Variants in MARCHF11 observed in about 807,000 individuals in gnomAD.
MARCHF11 encodes the protein E3 ubiquitin-protein ligase MARCHF11.
MARCHF11 carries 29 observed loss-of-function variants against 37.3 expected under a neutral mutation model. The observed-to-expected ratio is 0.78, with a 90% CI of 0.58 to 1.06. The LOEUF (loss-of-function observed/expected upper bound fraction) is 1.06. MARCHF11 is among the 50% of genes least tolerant of loss of function. MARCHF11 has a pLI of 0.00. For synonymous variants in MARCHF11, 233 were observed against 228.0 expected (o/e 1.02, Z -0.20); for missense variants, 482 against 533.4 (o/e 0.90, Z 0.95).
At chr5:16,146,074 T>G (rs1413697601) in intron 2 of MARCHF11, among the ~76,000 whole-genome samples, 1 of 152,190 alleles carries the variant, frequency 6.6e-6, no homozygotes, top group East Asian at 1.9e-4. Flanking sequence ...CTCATAATAA[T>G]TTTCAAGAAC....
chr5:16,169,218 T>C (rs2126608995), intron 2 of MARCHF11, among the ~76,000 whole-genome samples: 1 of 150,618 alleles, frequency 6.6e-6, no homozygotes, highest in South Asian at 2.1e-4. Flanking sequence ...AACAAAGGAG[T>C]GCCAGGAGGG....
In MARCHF11 at chr5:16,168,396, T is replaced by C. The variant is rs1489286298; in HGVS notation, c.693+9330A>G. On this transcript the variant is annotated intron_variant, in intron 2 of 3. Transcript: ENST00000332432. ...AAAATTCTGGCACAGTTAGTTGTAA[T>C]CTTGTTGGCTTCGCATGTTTTAATG... Among the ~76,000 whole-genome samples the C allele has an allele frequency of 2.6e-5, 4 of 152,072 alleles. No homozygotes were observed. The South Asian group carries it at 8.3e-4, about 31-fold the overall frequency.
At chr5:16,177,983 A>T in intron 1 of MARCHF11, 102 bp from the exon 2 acceptor site, 1 of 1,128,518 alleles carries the variant, frequency 8.9e-7, no homozygotes, top group Non-Finnish European at 1.2e-6. Context: ...CTCAGGATAC[A>T]GCATCAGGCT....
chr5:16,173,719 T>C (rs770029521), intron 2 of MARCHF11, among the ~76,000 whole-genome samples: 3 of 152,224 alleles, frequency 2.0e-5, no homozygotes, highest in African/African-American at 4.8e-5. Context: ...GAAGGACCTG[T>C]GGCAGTGAGC....
chr5:16,160,138 C>G (rs934409528), intron 2 of MARCHF11, among the ~76,000 whole-genome samples: 7 of 150,772 alleles, frequency 4.6e-5, no homozygotes, highest in African/African-American at 1.5e-4. Flanking sequence ...GTGATATTCT[C>G]TAAAGAATTT....
intron 2 of MARCHF11, among the ~76,000 whole-genome samples, chr5:16,148,408 A>G (rs1275205386): frequency 6.6e-6 from 1 of 152,104 alleles, no homozygotes; most frequent in Non-Finnish European, 1.5e-5. Flanking sequence ...TCACTGGCCT[A>G]GAGACCCACT....
intron 3 of MARCHF11, among the ~76,000 whole-genome samples, chr5:16,078,910 G>T (rs1260607876): frequency 2.0e-5 from 3 of 152,154 alleles, no homozygotes; most frequent in Admixed American, 2.0e-4. Context: ...TGAGCCTCAT[G>T]TGTTTGGAAT....
chr5:16,144,825 G>C (rs1737773995), intron 2 of MARCHF11, among the ~76,000 whole-genome samples: 1 of 152,196 alleles, frequency 6.6e-6, no homozygotes, highest in Admixed American at 6.5e-5. Flanking sequence ...CTTAAATTAA[G>C]TAGGAACGTG....
chr5:16,104,252 C>T (rs1195582984), intron 2 of MARCHF11, among the ~76,000 whole-genome samples: 8 of 152,124 alleles, frequency 5.3e-5, no homozygotes, highest in Admixed American at 2.6e-4. Flanking sequence ...TTCAACCTTT[C>T]TTTCCTTCCC....
chr5:16,179,297 G>A lies in MARCHF11; in HGVS notation c.279C>T (p.Gly93=), dbSNP rs1738424287. ...AGTCGCCGGCCGCCGCCACTTCCTGGCCGGCGGGCTGCAGGGGCAGGGGCG... is the reference window on the plus strand; with the variant it reads ...AGTCGCCGGCCGCCGCCACTTCCTGACCGGCGGGCTGCAGGGGCAGGGGCG... The part of the protein sequence containing the change: ...PPPPLPLQPA[G]QEVAAAGDSG... The change falls in exon 1 of 4, where the codon GGC becomes GGT. Residue 93 remains glycine (G), a synonymous_variant. Transcript: ENST00000332432. The A allele has an allele frequency of 7.8e-7, 1 of 1,277,328 alleles. No homozygotes were observed. The highest frequency in any genetic ancestry group is 9.9e-7 in the Non-Finnish European group (1 of 1,013,328). 79.1% of individuals were successfully genotyped at this position (1,277,328 alleles called of 1,614,324 possible).
intron 3 of MARCHF11, among the ~76,000 whole-genome samples, chr5:16,069,623 A>G (rs1307827429): frequency 6.6e-6 from 1 of 152,108 alleles, no homozygotes; most frequent in African/African-American, 2.4e-5. Context: ...AGCAGTAAGG[A>G]TAGGATAGAG....
At chr5:16,171,956 G>A (rs1405121836) in intron 2 of MARCHF11, among the ~76,000 whole-genome samples, 2 of 152,152 alleles carry the variant, frequency 1.3e-5, no homozygotes, top group African/African-American at 4.8e-5. Context: ...AAAAGGGCTG[G>A]AAAATGTAGA....
chr5:16,101,623 A>G (rs760132520), intron 2 of MARCHF11, among the ~76,000 whole-genome samples: 1 of 152,222 alleles, frequency 6.6e-6, no homozygotes, highest in Non-Finnish European at 1.5e-5. Context: ...AGTATTAATT[A>G]TGTTTAAATA....
chr5:16,137,650 CG>C (rs1737629743), intron 2 of MARCHF11, among the ~76,000 whole-genome samples: 1 of 152,052 alleles, frequency 6.6e-6, no homozygotes, highest in African/African-American at 2.4e-5. Context: ...CAGAAGAAGA[CG>C]GGATGATGTG....
chr5:16,109,623 A>C (rs946026614), intron 2 of MARCHF11, among the ~76,000 whole-genome samples: 1 of 152,158 alleles, frequency 6.6e-6, no homozygotes, highest in African/African-American at 2.4e-5. Flanking sequence ...AGCTCTGTGA[A>C]CCATTCTAGC....
At chr5:16,084,635 T>G (rs1328361972) in intron 3 of MARCHF11, among the ~76,000 whole-genome samples, 3 of 149,618 alleles carry the variant, frequency 2.0e-5, no homozygotes, top group Non-Finnish European at 4.4e-5. Context: ...AGAGCAAGAC[T>G]CTGTGTCAAA....
At position 16,113,389 on chromosome 5, in the gene MARCHF11, T is replaced by C. The variant is rs141358392; in HGVS notation, c.694-22308A>G. On this transcript the variant is annotated intron_variant, in intron 2 of 3. Transcript: ENST00000332432. Reference sequence around the variant, plus strand: ...TATTGACTAGTGATCACACGAAAAGTATGACCAAAGTTCGGCAGAATACTC... The same window carrying C: ...TATTGACTAGTGATCACACGAAAAGCATGACCAAAGTTCGGCAGAATACTC... Among the ~76,000 whole-genome samples the C allele has an allele frequency of 1.9e-4, 29 of 152,308 alleles. No individual in the cohort carries two copies. In the East Asian group the frequency reaches 5.4e-3, roughly 28 times the overall value.
chr5:16,179,083 G>C lies in MARCHF11; in HGVS notation c.493C>G (p.His165Asp). ...CAGATCTTGCAGATGGGCTGGTGGT[G>C]CTGGTGCTGGTGCCCAGCGCGCTGG... The part of the protein sequence containing the change: ...GDQRAGHQHQ[H>D]HQPICKICFQ... The change falls in exon 1 of 4, where the codon CAC becomes GAC. Residue 165 changes from histidine (H) to aspartate (D), a missense_variant. Transcript: ENST00000332432. 2.0e-6 allele frequency: 3 copies of C among 1,495,712 alleles called. No individual in the cohort carries two copies. Among genetic ancestry groups the C allele is most frequent in the Non-Finnish European group, 2.7e-6 (3 of 1,129,108 alleles). 92.7% of individuals were successfully genotyped at this position (1,495,712 alleles called of 1,614,324 possible). A position where few individuals can be genotyped will look rare whatever the true frequency, so the allele number is the denominator to read the frequency against.
chr5:16,083,435 G>T (rs1736645219), intron 3 of MARCHF11, among the ~76,000 whole-genome samples: 1 of 152,102 alleles, frequency 6.6e-6, no homozygotes, highest in Non-Finnish European at 1.5e-5. Context: ...TACAGCTTAA[G>T]AAATCGCTAC....
Sources: gnomAD v4.1 joint callset for allele counts (sites outside exome capture counted in the v4.1 genomes callset) on GRCh38, gnomAD v4.1.1 for gene constraint, MANE v1.5 for transcripts, NCBI Gene and HGNC (gene_info 2026-07-23, HGNC 2026-07-21) for gene names.